LCLAT1: variants seen among roughly 807,000 people sequenced by gnomAD.
The protein encoded by LCLAT1 is 1-AGP acyltransferase 8.
LCLAT1 carries 11 observed loss-of-function variants against 30.7 expected under a neutral mutation model. The ratio of observed to expected loss-of-function variants is 0.36; its 90% CI spans 0.23 to 0.59. The LOEUF (loss-of-function observed/expected upper bound fraction) is 0.59, where lower values mean the gene tolerates loss of function less well. Among genes scored for constraint, LCLAT1 ranks in the 20% least tolerant of loss-of-function variants. The pLI is 0.77. For synonymous variants in LCLAT1, 155 were observed against 151.3 expected (o/e 1.02, Z -0.18); for missense variants, 402 against 458.6 (o/e 0.88, Z 1.13).
intron 4 of LCLAT1, among the ~76,000 whole-genome samples, chr2:30,567,263 T>C (rs1159228058): frequency 1.3e-5 from 2 of 152,254 alleles, no homozygotes; most frequent in African/African-American, 4.8e-5. Flanking sequence ...TTAAAAGATA[T>C]GAATATGAAT....
At chr2:30,513,952 C>T (rs1685060183) in intron 1 of LCLAT1, among the ~76,000 whole-genome samples, 1 of 152,216 alleles carries the variant, frequency 6.6e-6, no homozygotes, top group Non-Finnish European at 1.5e-5. Context: ...CACGTGCCTT[C>T]AGGACCTCCT....
intron 5 of LCLAT1, among the ~76,000 whole-genome samples, chr2:30,603,139 T>C (rs1007014595): frequency 6.6e-6 from 1 of 152,092 alleles, no homozygotes; most frequent in African/African-American, 2.4e-5. Context: ...ATGCAACATA[T>C]GTAAGAAATT....
In LCLAT1 at chr2:30,641,896, C is replaced by CTTT. The variant is rs1039418664; in HGVS notation, c.*1286_*1288dup. 3.6e-5 allele frequency: 3 copies of CTTT among 83,390 alleles called. No individual in the cohort carries two copies. The highest frequency in any genetic ancestry group is 1.2e-4 in the African/African-American group (3 of 25,470). The allele number at this position is 83,390 out of a possible 1,614,324, so 5.2% of individuals were successfully genotyped here. A position where few individuals can be genotyped will look rare whatever the true frequency, so the allele number is the denominator to read the frequency against. ...CTGTTGGAGCTGCACACTTTTTTTT[C>CTTT]TTTTTTTTTTTCTTTTTTTTTTTGT... On this transcript the variant is annotated 3_prime_UTR_variant, in exon 6 of 6. Transcript: ENST00000379509.
intron 1 of LCLAT1, among the ~76,000 whole-genome samples, chr2:30,509,980 G>A (rs544178659): frequency 6.6e-6 from 1 of 152,288 alleles, no homozygotes; most frequent in African/African-American, 2.4e-5. Flanking sequence ...TACAGATTAG[G>A]ATTTGTGCCA....
rs1265517035 is a variant in LCLAT1, at chr2:30,640,465, T to C, written c.977T>C (p.Ile326Thr). 12 of 1,614,044 alleles carry C rather than the reference T, an allele frequency of 7.4e-6. No individual in the cohort carries two copies. In the Admixed American group the frequency reaches 1.8e-4, roughly 25 times the overall value. ...TLFSPAMCLLIYLYSLVKWYF... is the reference protein window; with the variant it reads ...TLFSPAMCLLTYLYSLVKWYF... ...TTCAGCCCTGCAATGTGCCTACTCATATATTTGTACAGTCTTGTTAAGTGG... is the reference window on the plus strand; with the variant it reads ...TTCAGCCCTGCAATGTGCCTACTCACATATTTGTACAGTCTTGTTAAGTGG... Residue 326 changes from isoleucine (I) to threonine (T), a missense_variant, in exon 6 of 6, where the codon ATA becomes ACA. Ile to Thr is a moderately conservative substitution (Grantham distance 89). Transcript: ENST00000379509.
rs774328153 is a variant in LCLAT1 at position 30,525,716 on chromosome 2, C to T, written c.126C>T (p.Ile42=). 6.2e-7 allele frequency: 1 copy of T among 1,614,090 alleles called. No individual in the cohort carries two copies. Among genetic ancestry groups the T allele is most frequent in the Non-Finnish European group, 8.5e-7 (1 of 1,180,004 alleles). Residue 42 remains isoleucine (I), a synonymous_variant, in exon 2 of 6, where the codon ATC becomes ATT. Transcript: ENST00000379509. ...MFVNPSWYRW[I]NNRLVATWLT... is the part of the protein sequence containing the mutation. ...TAAACCCATCTTGGTATCGCTGGATCAACAACCGCCTTGTGGCAACATGGC... is the reference window on the plus strand; with the variant it reads ...TAAACCCATCTTGGTATCGCTGGATTAACAACCGCCTTGTGGCAACATGGC...
At chr2:30,601,838 T>C (rs1266050879) in intron 5 of LCLAT1, among the ~76,000 whole-genome samples, 2 of 151,176 alleles carry the variant, frequency 1.3e-5, no homozygotes, top group African/African-American at 4.9e-5. Flanking sequence ...ATAGATATAT[T>C]TATCTACAAC....
At chr2:30,602,306 G>A (rs1029091637) in intron 5 of LCLAT1, among the ~76,000 whole-genome samples, 4 of 152,166 alleles carry the variant, frequency 2.6e-5, no homozygotes, top group African/African-American at 9.7e-5. Context: ...CCAGCAAATT[G>A]GAAGATGCAT....
intron 1 of LCLAT1, among the ~76,000 whole-genome samples, chr2:30,516,193 G>A (rs1027186294): frequency 6.6e-6 from 1 of 152,154 alleles, no homozygotes; most frequent in Non-Finnish European, 1.5e-5. Flanking sequence ...CTAGGTATTC[G>A]AACTGGCAGT....
At chr2:30,561,386 G>A (rs991019642) in intron 3 of LCLAT1, among the ~76,000 whole-genome samples, 10 of 152,282 alleles carry the variant, frequency 6.6e-5, no homozygotes, top group African/African-American at 2.2e-4. Context: ...GGTATTTCCT[G>A]TGTTTGTCCA....
chr2:30,640,291 A>G lies in LCLAT1; in HGVS notation c.803A>G (p.Lys268Arg). Reference sequence around the variant, plus strand: ...GAGGACCTTCAACTCTGGTGCCACAAACGGTGGGAAGAGAAAGAAGAGAGG... The same window carrying G: ...GAGGACCTTCAACTCTGGTGCCACAGACGGTGGGAAGAGAAAGAAGAGAGG... The part of the protein sequence containing the change: ...SKEDLQLWCH[K>R]RWEEKEERLR... The change falls in exon 6 of 6, where the codon AAA becomes AGA. Residue 268 changes from lysine to arginine, a missense_variant. By Grantham distance (26) the Lys-to-Arg change is conservative. Coordinates refer to ENST00000379509, the MANE Select transcript of LCLAT1 (RefSeq NM_001002257.3). 4 of 1,614,192 alleles carry G rather than the reference A, an allele frequency of 2.5e-6. No individual in the cohort carries two copies. Among genetic ancestry groups the G allele is most frequent in the Middle Eastern group, 1.6e-4 (1 of 6,062 alleles).
chr2:30,634,939 C>G (rs1372275276), intron 5 of LCLAT1, among the ~76,000 whole-genome samples: 1 of 152,234 alleles, frequency 6.6e-6, no homozygotes, highest in African/African-American at 2.4e-5. Context: ...TTTGTTGGTA[C>G]TGGCTCCCTG....
chr2:30,554,403 T>G (rs7586675), intron 3 of LCLAT1, among the ~76,000 whole-genome samples: 13,188 of 152,258 alleles, frequency 0.087, 1,056 homozygotes, highest in African/African-American at 0.21. Context: ...TATGTGTAAT[T>G]AATACCTGTG....
chr2:30,586,701 T>G (rs1292817127), intron 5 of LCLAT1, among the ~76,000 whole-genome samples: 1 of 152,094 alleles, frequency 6.6e-6, no homozygotes, highest in Non-Finnish European at 1.5e-5. Flanking sequence ...TTCTCTGCAG[T>G]AGCAATTTCA....
At chr2:30,592,017 T>C (rs1255318204) in intron 5 of LCLAT1, among the ~76,000 whole-genome samples, 1 of 152,198 alleles carries the variant, frequency 6.6e-6, no homozygotes, top group Non-Finnish European at 1.5e-5. Context: ...ACTGTTAATG[T>C]CATGAGAGGT....
intron 1 of LCLAT1, among the ~76,000 whole-genome samples, chr2:30,471,873 T>C (rs749921151): frequency 6.6e-6 from 1 of 152,200 alleles, no homozygotes; most frequent in African/African-American, 2.4e-5. Flanking sequence ...TGCCTAATTG[T>C]TCTCACTAGA....
At chr2:30,493,684 C>T (rs756001111) in intron 1 of LCLAT1, among the ~76,000 whole-genome samples, 4 of 152,174 alleles carry the variant, frequency 2.6e-5, no homozygotes, top group Non-Finnish European at 5.9e-5. Context: ...CACATTCTCT[C>T]CCTAACCCCT....
intron 1 of LCLAT1, among the ~76,000 whole-genome samples, chr2:30,486,203 T>G (rs1172811484): frequency 6.6e-6 from 1 of 152,188 alleles, no homozygotes; most frequent in African/African-American, 2.4e-5. Context: ...GGAAAGAGCA[T>G]TATCTTAGAA....
chr2:30,528,905 T>C (rs1166667151), intron 2 of LCLAT1, among the ~76,000 whole-genome samples: 1 of 152,178 alleles, frequency 6.6e-6, no homozygotes, highest in Non-Finnish European at 1.5e-5. Context: ...AAAATTGATA[T>C]TCTAGTTTTG....
Sources: gnomAD v4.1 joint callset for allele counts (sites outside exome capture counted in the v4.1 genomes callset) on GRCh38, gnomAD v4.1.1 for gene constraint, MANE v1.5 for transcripts, NCBI Gene and HGNC (gene_info 2026-07-23, HGNC 2026-07-21) for gene names.